ITPR2: variants seen among roughly 807,000 people sequenced by gnomAD.
ITPR2 encodes inositol 1,4,5-trisphosphate receptor type 2, also known as inositol 1,4,5-trisphosphate-gated calcium channel ITPR2.
Under a neutral mutation model 317.1 loss-of-function variants are expected in ITPR2, and 207 were observed. The observed-to-expected ratio is 0.65, with a 90% CI of 0.58 to 0.73. The LOEUF (loss-of-function observed/expected upper bound fraction) is 0.73, where lower values mean the gene tolerates loss of function less well. Ranked by LOEUF, ITPR2 falls within the 30% of genes least tolerant of loss-of-function variation. ITPR2 has a pLI of 0.00. For synonymous variants in ITPR2, 1,156 were observed against 1,149.1 expected (o/e 1.01, Z -0.12); for missense variants, 2,613 against 3,284.0 (o/e 0.80, Z 4.99).
rs992588812 is a variant in ITPR2, at chr12:26,698,063, A to G, written c.952-2413T>C. Among the ~76,000 whole-genome samples, 6 of 152,224 alleles carry G rather than the reference A, an allele frequency of 3.9e-5. No individual in the cohort carries two copies. The East Asian group carries it at 5.8e-4, about 15-fold the overall frequency. ...GTCACAGACAACCAGAGAAGAGACA[A>G]CCAACTAATGAGGGACCAGAGCTCT... On this transcript the variant is annotated intron_variant, in intron 9 of 56. Transcript: ENST00000381340.
chr12:26,398,292 A>G (rs184561049), intron 54 of ITPR2, among the ~76,000 whole-genome samples: 101 of 152,222 alleles, frequency 6.6e-4, no homozygotes, highest in African/African-American at 2.4e-3. Context: ...GTGTGGTGGT[A>G]CATGCCTGCA....
At chr12:26,672,440 C>A (rs1178315910) in intron 13 of ITPR2, among the ~76,000 whole-genome samples, 1 of 152,090 alleles carries the variant, frequency 6.6e-6, no homozygotes, top group East Asian at 1.9e-4. Context: ...AAACCTGCTC[C>A]TGAATGACTA....
chr12:26,464,228 T>A (rs772291409), intron 45 of ITPR2, among the ~76,000 whole-genome samples: 4 of 152,176 alleles, frequency 2.6e-5, no homozygotes, highest in Non-Finnish European at 5.9e-5. Context: ...CGCACATTAT[T>A]TCTACTATTA....
At chr12:26,493,353 G>A (rs1470926128) in intron 39 of ITPR2, among the ~76,000 whole-genome samples, 4 of 152,134 alleles carry the variant, frequency 2.6e-5, no homozygotes, top group South Asian at 2.1e-4. Context: ...GCCTTGAGTC[G>A]AGAAAATGGC....
intron 55 of ITPR2, among the ~76,000 whole-genome samples, chr12:26,346,885 C>T (rs1475387251): frequency 2.6e-5 from 4 of 152,040 alleles, no homozygotes; most frequent in Admixed American, 2.0e-4. Context: ...TCCAGCTCGT[C>T]ATTCTGTGAG....
chr12:26,467,138 TC>T lies in ITPR2; in HGVS notation c.6342+8157del, dbSNP rs540716175. 2.2e-3 allele frequency among the ~76,000 whole-genome samples: 334 copies of T among 152,344 alleles called. 1 individual carries two copies. The highest frequency in any genetic ancestry group is 3.5e-3 in the Non-Finnish European group (235 of 68,010). On this transcript the variant is annotated intron_variant, in intron 45 of 56. Transcript: ENST00000381340. ...AGTGATAGATACATTTCATATGGTT[TC>T]AGTATAAATTAAACTTTAGCTATTT...
intron 55 of ITPR2, among the ~76,000 whole-genome samples, chr12:26,340,995 T>A (rs926730550): frequency 6.6e-6 from 1 of 152,032 alleles, no homozygotes; most frequent in South Asian, 2.1e-4. Context: ...AGGTGTTTTG[T>A]GTGTGTGTGT....
chr12:26,461,628 A>AT (rs1491236851), intron 45 of ITPR2, among the ~76,000 whole-genome samples: 1 of 1,046 alleles, frequency 9.6e-4, no homozygotes, highest in African/African-American at 2.6e-3. Context: ...AAGCATATAA[A>AT]TATATATATA....
intron 32 of ITPR2, among the ~76,000 whole-genome samples, chr12:26,586,473 T>G (rs1945532222): frequency 6.6e-6 from 1 of 152,240 alleles, no homozygotes; most frequent in African/African-American, 2.4e-5. Flanking sequence ...AGTATTAAAT[T>G]TTCAAACACT....
chr12:26,589,849 TATATACACACACACACACAC>T (rs1945651993), intron 32 of ITPR2, among the ~76,000 whole-genome samples: 3 of 39,842 alleles, frequency 7.5e-5, no homozygotes, highest in South Asian at 2.2e-3. Context: ...TATATATATA[TATATACACACACACACACAC>T]ACACACACAC....
intron 31 of ITPR2, among the ~76,000 whole-genome samples, chr12:26,596,164 T>C (rs936732510): frequency 2.6e-5 from 4 of 152,256 alleles, no homozygotes; most frequent in African/African-American, 7.2e-5. Flanking sequence ...GAGTCTTTTA[T>C]GTGGTCCTGC....
At chr12:26,513,059 T>C (rs1473182074) in intron 37 of ITPR2, among the ~76,000 whole-genome samples, 1 of 152,026 alleles carries the variant, frequency 6.6e-6, no homozygotes, top group Admixed American at 6.6e-5. Flanking sequence ...GCCAGGCTGA[T>C]CTTGAACTCC....
chr12:26,729,713 A>G (rs1948995189), intron 2 of ITPR2, among the ~76,000 whole-genome samples: 1 of 152,124 alleles, frequency 6.6e-6, no homozygotes. Context: ...AGAAAATCAA[A>G]TAAGTTATAT....
intron 26 of ITPR2, among the ~76,000 whole-genome samples, chr12:26,607,565 T>C (rs1043529064): frequency 6.6e-6 from 1 of 152,124 alleles, no homozygotes; most frequent in African/African-American, 2.4e-5. Context: ...CTTGGTATCA[T>C]GGTTGTCGGT....
chr12:26,703,388 T>C (rs1948489435), intron 9 of ITPR2, among the ~76,000 whole-genome samples: 1 of 152,212 alleles, frequency 6.6e-6, no homozygotes, highest in Non-Finnish European at 1.5e-5. Context: ...GTCAAAGTAG[T>C]ACTTCTACCT....
intron 55 of ITPR2, among the ~76,000 whole-genome samples, chr12:26,357,805 C>T (rs986698743): frequency 1.3e-5 from 2 of 152,240 alleles, no homozygotes; most frequent in Non-Finnish European, 2.9e-5. Flanking sequence ...ACCCTACACA[C>T]CACCTCTGGT....
intron 11 of ITPR2, among the ~76,000 whole-genome samples, chr12:26,685,674 A>T (rs1285510665): frequency 1.3e-5 from 2 of 152,200 alleles, no homozygotes; most frequent in Non-Finnish European, 2.9e-5. Flanking sequence ...TCTTACCTTA[A>T]GTTCTGGCAA....
intron 37 of ITPR2, among the ~76,000 whole-genome samples, chr12:26,512,013 C>T (rs546877324): frequency 6.6e-6 from 1 of 152,252 alleles, no homozygotes; most frequent in Admixed American, 6.5e-5. Context: ...ATCTACTCTT[C>T]ATCTCATTTC....
intron 49 of ITPR2, among the ~76,000 whole-genome samples, chr12:26,424,863 G>A (rs1198992467): frequency 2.0e-5 from 3 of 152,024 alleles, no homozygotes; most frequent in African/African-American, 7.2e-5. Context: ...GGGTTCAAGC[G>A]ATTCTCTGGC....
Sources: allele counts gnomAD v4.1 joint callset (sites outside exome capture counted in the v4.1 genomes callset), GRCh38; gene constraint gnomAD v4.1.1; transcripts MANE v1.5; gene names NCBI Gene and HGNC (gene_info 2026-07-23, HGNC 2026-07-21).